Variants in SPOCK3 observed in about 807,000 individuals in gnomAD.
SPOCK3 encodes the protein testican-3.
Under a neutral mutation model 56.6 loss-of-function variants are expected in SPOCK3, and 30 were observed. The ratio of observed to expected loss-of-function variants is 0.53; its 90% CI spans 0.40 to 0.72. SPOCK3 has a LOEUF of 0.72. Among genes scored for constraint, SPOCK3 ranks in the 30% least tolerant of loss-of-function variants. The probability of loss-of-function intolerance (pLI) is 0.00; values close to 1 mark genes in which losing one functional copy is unlikely to be tolerated. For synonymous variants in SPOCK3, 196 were observed against 183.3 expected, an observed-to-expected ratio of 1.07 and a Z score of -0.56; for missense variants, 527 against 530.0, an observed-to-expected ratio of 0.99 and a Z score of 0.06.
At chr4:166,776,190 G>A (rs1739516950) in intron 7 of SPOCK3, among the ~76,000 whole-genome samples, 1 of 152,058 alleles carries the variant, frequency 6.6e-6, no homozygotes, top group Non-Finnish European at 1.5e-5. Flanking sequence ...TAAGGCAGGT[G>A]GACCAGGAGG....
chr4:166,734,368 T>A lies in SPOCK3; in HGVS notation c.*553A>T, dbSNP rs988500205. On this transcript the variant is annotated 3_prime_UTR_variant, in exon 11 of 11. Coordinates refer to ENST00000357545, the MANE Select transcript of SPOCK3 (RefSeq NM_001040159.2). ...ATAATTTCATAGGTAAAAACACCAC[T>A]ATTAATGTAAACACAATTGAGGACT... is the stretch of plus-strand genomic sequence containing the variant. 6.6e-6 allele frequency: 1 copy of A among 151,910 alleles called. No individual in the cohort carries two copies. Among genetic ancestry groups the A allele is most frequent in the Admixed American group, 6.6e-5 (1 of 15,212 alleles). The allele number at this position is 151,910 out of a possible 1,614,324, so 9.4% of individuals were successfully genotyped here. A position where few individuals can be genotyped will look rare whatever the true frequency, so the allele number is the denominator to read the frequency against.
chr4:167,126,696 G>A (rs771973622), intron 2 of SPOCK3, among the ~76,000 whole-genome samples: 1 of 151,472 alleles, frequency 6.6e-6, no homozygotes. Context: ...TCACCTAAGT[G>A]TGCCAGCCTT....
At chr4:167,019,124 T>C (rs146616942) in intron 3 of SPOCK3, among the ~76,000 whole-genome samples, 4 of 152,162 alleles carry the variant, frequency 2.6e-5, no homozygotes, top group Admixed American at 6.5e-5. Flanking sequence ...CAGTCTTCAA[T>C]TTCTCTTGTA....
At chr4:166,907,847 A>G (rs998852738) in intron 5 of SPOCK3, among the ~76,000 whole-genome samples, 5 of 152,028 alleles carry the variant, frequency 3.3e-5, no homozygotes, top group African/African-American at 1.2e-4. Flanking sequence ...AATGATCATG[A>G]TAATGTTCTG....
intron 4 of SPOCK3, among the ~76,000 whole-genome samples, chr4:166,994,152 C>T (rs896783110): frequency 6.6e-6 from 1 of 152,104 alleles, no homozygotes; most frequent in Non-Finnish European, 1.5e-5. Context: ...AAATAAAACA[C>T]AGCCAGAACC....
In SPOCK3 at chr4:166,826,249, T is replaced by C. The variant is rs1482225278; in HGVS notation, c.590-33960A>G. 2.6e-5 allele frequency among the ~76,000 whole-genome samples: 4 copies of C among 152,140 alleles called. No individual in the cohort carries two copies. In the East Asian group the frequency reaches 7.7e-4, roughly 29 times the overall value. On this transcript the variant is annotated intron_variant, in intron 6 of 10. Coordinates refer to ENST00000357545, the MANE Select transcript of SPOCK3 (RefSeq NM_001040159.2). ...ATCAATACCGAGCTGTATTTTGTAC[T>C]GTGTGTTATCGTATGTCATCAATTC...
intron 6 of SPOCK3, among the ~76,000 whole-genome samples, chr4:166,838,264 C>T (rs1579373577): frequency 6.6e-6 from 1 of 152,114 alleles, no homozygotes; most frequent in East Asian, 1.9e-4. Flanking sequence ...TTCAGCTCCA[C>T]TTGGTTTTCC....
At chr4:167,233,073 G>T (rs1185515395) in intron 2 of SPOCK3, among the ~76,000 whole-genome samples, 1 of 152,192 alleles carries the variant, frequency 6.6e-6, no homozygotes, top group African/African-American at 2.4e-5. Context: ...TAAAGGGTGG[G>T]CTAGGGGCGG....
chr4:167,102,851 G>T (rs1580297411), intron 2 of SPOCK3, among the ~76,000 whole-genome samples: 1 of 149,732 alleles, frequency 6.7e-6, no homozygotes, highest in East Asian at 2.0e-4. Flanking sequence ...CAGGGGATGT[G>T]GGACACCAGC....
At chr4:167,068,350 ATGT>A (rs1756361967) in intron 2 of SPOCK3, among the ~76,000 whole-genome samples, 1 of 151,660 alleles carries the variant, frequency 6.6e-6, no homozygotes, top group African/African-American at 2.4e-5. Context: ...ACTAATAATA[ATGT>A]TGTTAAGCTT....
At chr4:166,748,514 A>G (rs1421972551) in intron 8 of SPOCK3, among the ~76,000 whole-genome samples, 1 of 136,938 alleles carries the variant, frequency 7.3e-6, no homozygotes, top group East Asian at 2.0e-4. Flanking sequence ...TAAATGTTAG[A>G]CCTAAAGCCA....
In SPOCK3 at chr4:166,889,210, T is replaced by C. The variant is rs772608529; in HGVS notation, c.509A>G (p.Lys170Arg). 71 of 1,611,870 alleles carry C rather than the reference T, an allele frequency of 4.4e-5. No homozygotes were observed. Among genetic ancestry groups the C allele is most frequent in the Non-Finnish European group, 6.0e-5 (71 of 1,178,418 alleles). Residue 170 changes from lysine to arginine, a missense_variant, in exon 6 of 11, where the codon AAA becomes AGA. By Grantham distance (26) the Lys-to-Arg change is conservative. Coordinates refer to ENST00000357545, the MANE Select transcript of SPOCK3 (RefSeq NM_001040159.2). ...KLEYQACVLG[K>R]QISVKCEGHC... is the part of the protein sequence containing the mutation. ...TCCTTCACATTTGACTGAGATCTGT[T>C]TTCCTAAGACACATGCCTGATATTC... is the stretch of plus-strand genomic sequence containing the variant.
chr4:166,775,348 G>C (rs1328935218), intron 7 of SPOCK3, among the ~76,000 whole-genome samples: 1 of 152,106 alleles, frequency 6.6e-6, no homozygotes, highest in African/African-American at 2.4e-5. Flanking sequence ...TTTTTCTCAA[G>C]GATGGCTTCC....
intron 2 of SPOCK3, among the ~76,000 whole-genome samples, chr4:167,160,169 A>C (rs538566727): frequency 2.1e-3 from 319 of 152,292 alleles, no homozygotes; most frequent in African/African-American, 7.0e-3. Flanking sequence ...AATCTCCTTA[A>C]GCTGATGAGC....
chr4:167,182,693 A>C (rs1731589663), intron 2 of SPOCK3, among the ~76,000 whole-genome samples: 2 of 151,952 alleles, frequency 1.3e-5, no homozygotes, highest in South Asian at 2.1e-4. Context: ...GCGCGCCACT[A>C]TGCCTGGCCA....
At chr4:166,838,773 AC>A (rs1384524695) in intron 6 of SPOCK3, among the ~76,000 whole-genome samples, 3 of 142,028 alleles carry the variant, frequency 2.1e-5, no homozygotes, top group Non-Finnish European at 4.5e-5. Context: ...ATACAGTGAA[AC>A]CCCACCTCTA....
intron 2 of SPOCK3, among the ~76,000 whole-genome samples, chr4:167,110,458 T>C (rs1760802650): frequency 6.6e-6 from 1 of 152,118 alleles, no homozygotes; most frequent in Non-Finnish European, 1.5e-5. Context: ...TTCTCACCTC[T>C]TATCTATATG....
At chr4:166,771,733 A>G (rs1388515574) in intron 7 of SPOCK3, among the ~76,000 whole-genome samples, 1 of 152,096 alleles carries the variant, frequency 6.6e-6, no homozygotes, top group East Asian at 1.9e-4. Context: ...TTCCTCAAAT[A>G]GAGTGAGAAA....
intron 6 of SPOCK3, among the ~76,000 whole-genome samples, chr4:166,875,508 C>T (rs1005293132): frequency 6.6e-6 from 1 of 152,110 alleles, no homozygotes; most frequent in Non-Finnish European, 1.5e-5. Context: ...ATTTACCATA[C>T]TATTTAACAA....
Sources: allele counts gnomAD v4.1 joint callset (sites outside exome capture counted in the v4.1 genomes callset), GRCh38; gene constraint gnomAD v4.1.1; transcripts MANE v1.5; gene names NCBI Gene and HGNC (gene_info 2026-07-23, HGNC 2026-07-21).